Variants in TUSC3 observed in about 807,000 individuals in gnomAD.
The protein encoded by TUSC3 is tumor suppressor candidate 3.
Under a neutral mutation model 44.8 loss-of-function variants are expected in TUSC3, and 45 were observed. The observed-to-expected ratio is 1.00, with a 90% confidence interval of 0.79 to 1.29. TUSC3 has a LOEUF of 1.29. Among genes scored for constraint, TUSC3 ranks in the 50% most tolerant of loss-of-function variants. The pLI is 0.00. For synonymous variants in TUSC3, 212 were observed against 152.9 expected (o/e 1.39, Z -2.85); for missense variants, 519 against 437.9 (o/e 1.19, Z -1.65).
upstream of TUSC3, among the ~76,000 whole-genome samples, chr8:15,536,365 A>G (rs1801521328): frequency 6.6e-6 from 1 of 152,018 alleles, no homozygotes; most frequent in African/African-American, 2.4e-5. Context: ...TAAAAGGATC[A>G]CTCCAGACAC....
chr8:15,794,047 C>T, the TUSC3 span, among the ~76,000 whole-genome samples: 1 of 152,182 alleles, frequency 6.6e-6, no homozygotes, highest in Non-Finnish European at 1.5e-5. Flanking sequence ...TGTTGCCTGC[C>T]ATATCCTGAT....
At chr8:15,586,744 C>G (rs1017250611) in intron 1 of TUSC3, among the ~76,000 whole-genome samples, 1 of 152,044 alleles carries the variant, frequency 6.6e-6, no homozygotes, top group Non-Finnish European at 1.5e-5. Context: ...TTGTGTGGAG[C>G]CAGGGTTGAT....
intron 6 of TUSC3, among the ~76,000 whole-genome samples, chr8:15,705,801 A>G (rs1277401908): frequency 6.6e-6 from 1 of 152,044 alleles, no homozygotes; most frequent in African/African-American, 2.4e-5. Flanking sequence ...TAGGTATTAC[A>G]GAAATAGCTT....
At chr8:15,507,806 T>G (rs1801077357) in intron 2 of TUSC3, among the ~76,000 whole-genome samples, 1 of 151,894 alleles carries the variant, frequency 6.6e-6, no homozygotes, top group African/African-American at 2.4e-5. Flanking sequence ...GAAAAAACTA[T>G]AGTTAAATAA....
chr8:15,705,793 G>C (rs528904318), intron 6 of TUSC3, among the ~76,000 whole-genome samples: 1 of 152,044 alleles, frequency 6.6e-6, no homozygotes, highest in Admixed American at 6.6e-5. Context: ...AGAGTTTGTA[G>C]GTATTACAGA....
chr8:15,586,431 CAGA>C (rs1038171684), intron 1 of TUSC3, among the ~76,000 whole-genome samples: 5 of 151,984 alleles, frequency 3.3e-5, no homozygotes, highest in South Asian at 2.1e-4. Flanking sequence ...AGGAAAACAG[CAGA>C]AGGAGTCAGT....
the TUSC3 span, chr8:15,806,944 T>A: frequency 1.1e-5 from 16 of 1,456,522 alleles, no homozygotes; most frequent in Middle Eastern, 1.7e-4. Flanking sequence ...TTCTCTGACA[T>A]AACTCTCGTG....
chr8:15,821,054 T>A, the TUSC3 span, among the ~76,000 whole-genome samples: 180 of 152,330 alleles, frequency 1.2e-3, no homozygotes, highest in Middle Eastern at 3.4e-3. Flanking sequence ...AAATTTTCTT[T>A]AGCATTTTTT....
chr8:15,707,408 A>G (rs560640477), intron 6 of TUSC3, among the ~76,000 whole-genome samples: 9 of 152,016 alleles, frequency 5.9e-5, no homozygotes, highest in African/African-American at 1.2e-4. Context: ...TTTGTGCCCT[A>G]TGTTTTTTAA....
chr8:15,742,388 G>A (rs563152812), intron 7 of TUSC3, among the ~76,000 whole-genome samples: 2 of 152,150 alleles, frequency 1.3e-5, no homozygotes, highest in South Asian at 4.1e-4. Context: ...TACTAGAGAA[G>A]TCAGGCATTT....
intron 3 of TUSC3, 182 bp downstream of exon 3, chr8:15,650,996 CACACA>C: frequency 2.1e-6 from 1 of 467,912 alleles, no homozygotes. Context: ...CACACACACA[CACACA>C]CACACACACA....
At chr8:15,829,937 T>C in the TUSC3 span, among the ~76,000 whole-genome samples, 1 of 152,158 alleles carries the variant, frequency 6.6e-6, no homozygotes, top group African/African-American at 2.4e-5. Context: ...CCCTTTTCTC[T>C]GCACACTCAA....
intron 1 of TUSC3, among the ~76,000 whole-genome samples, chr8:15,573,384 GCTGTT>G (rs1802966512): frequency 1.3e-5 from 2 of 151,718 alleles, no homozygotes; most frequent in Non-Finnish European, 2.9e-5. Context: ...AGGCAGTTAA[GCTGTT>G]CCTACACAAT....
intron 10 of TUSC3, among the ~76,000 whole-genome samples, chr8:15,763,830 T>C (rs1488682259): frequency 6.6e-6 from 1 of 152,126 alleles, no homozygotes; most frequent in Non-Finnish European, 1.5e-5. Flanking sequence ...AAAATATTTT[T>C]AGGACATTCA....
intron 2 of TUSC3, among the ~76,000 whole-genome samples, chr8:15,525,299 G>A (rs1281950851): frequency 6.6e-6 from 1 of 151,978 alleles, no homozygotes; most frequent in Non-Finnish European, 1.5e-5. Flanking sequence ...TTTCTGGTTT[G>A]CTGGCTCTCT....
chr8:15,797,787 C>T, the TUSC3 span, among the ~76,000 whole-genome samples: 16 of 152,286 alleles, frequency 1.1e-4, no homozygotes, highest in Non-Finnish European at 1.8e-4. Context: ...GACAACACAG[C>T]AAGTGCTATC....
intron 6 of TUSC3, among the ~76,000 whole-genome samples, chr8:15,728,260 A>T (rs1262272188): frequency 6.6e-6 from 1 of 152,162 alleles, no homozygotes; most frequent in Non-Finnish European, 1.5e-5. Flanking sequence ...TCTAGGGTAG[A>T]GTCAGGGAGA....
At chr8:15,648,658 G>A (rs1311058648) in intron 2 of TUSC3, among the ~76,000 whole-genome samples, 3 of 144,264 alleles carry the variant, frequency 2.1e-5, no homozygotes, top group Non-Finnish European at 4.5e-5. Context: ...CCCAGGAGGC[G>A]GAGCTTGCAG....
At chr8:15,466,623 G>C (rs573350568) in intron 1 of TUSC3, among the ~76,000 whole-genome samples, 1 of 152,208 alleles carries the variant, frequency 6.6e-6, no homozygotes, top group African/African-American at 2.4e-5. Flanking sequence ...TCATATAGTA[G>C]CTATCCAACT....
Sources: gnomAD v4.1 joint callset for allele counts (sites outside exome capture counted in the v4.1 genomes callset) on GRCh38, gnomAD v4.1.1 for gene constraint, MANE v1.5 for transcripts, NCBI Gene and HGNC (gene_info 2026-07-23, HGNC 2026-07-21) for gene names.